ANO7: variants seen among roughly 807,000 people sequenced by gnomAD.
ANO7 encodes anoctamin 7, also known as anoctamin-7.
A neutral mutation model predicts 115.8 loss-of-function variants in ANO7; 114 were observed. That is an observed-to-expected ratio of 0.98 (90% confidence interval 0.85 to 1.15). The LOEUF (loss-of-function observed/expected upper bound fraction) is 1.15, where lower values mean the gene tolerates loss of function less well. Among genes scored for constraint, ANO7 ranks in the 50% most tolerant of loss-of-function variants. The probability of loss-of-function intolerance (pLI) is 0.00; values close to 1 mark genes in which losing one functional copy is unlikely to be tolerated. For synonymous variants in ANO7, 550 were observed against 498.2 expected, an observed-to-expected ratio of 1.10 and a Z score of -1.38; for missense variants, 1,302 against 1,201.2, an observed-to-expected ratio of 1.08 and a Z score of -1.24.
At chr2:241,216,332 T>C in intron 19 of ANO7, 94 bp downstream of exon 19, 5 of 1,409,430 alleles carry the variant, frequency 3.5e-6, no homozygotes, top group Non-Finnish European at 4.7e-6. Flanking sequence ...GACATTCCTG[T>C]GTCTGCATCT....
chr2:241,230,435 G>C (rs986087495), downstream of ANO7, among the ~76,000 whole-genome samples: 2 of 152,256 alleles, frequency 1.3e-5, no homozygotes, highest in Non-Finnish European at 2.9e-5. This position sits in a 1 kb window ranked among gnomAD's most constrained non-coding sequence, Gnocchi z 5.0. Context: ...CAAGTTAGGT[G>C]TATCTCAGGA....
chr2:241,199,191 C>A, intron 4 of ANO7, 125 bp from the exon 5 acceptor site: 2 of 852,530 alleles, frequency 2.3e-6, no homozygotes, highest in Middle Eastern at 2.2e-4. Context: ...ATAGGAGATT[C>A]AAAGTCAGCT....
chr2:241,215,352 G>A (rs1209440387), intron 18 of ANO7, among the ~76,000 whole-genome samples: 1 of 152,200 alleles, frequency 6.6e-6, no homozygotes, highest in Non-Finnish European at 1.5e-5. Context: ...GGGACACCCT[G>A]ACCACAAGGC....
Position 241,223,668 on chromosome 2 carries a change from G to T in ANO7, c.2419G>T (p.Val807Phe), listed in dbSNP as rs143637006. 133 of 1,612,618 alleles carry T rather than the reference G, an allele frequency of 8.2e-5. No individual in the cohort carries two copies. Among genetic ancestry groups the T allele is most frequent in the Non-Finnish European group, 1.1e-4 (125 of 1,179,330 alleles). ...TGCCTTCCTCTGCTCCCAGCATGTG[G>T]TTTTCTCCGTTGGCCGCCTCCTGGA... ...LAFVIVFEHVVFSVGRLLDLL... is the reference protein window; with the variant it reads ...LAFVIVFEHVFFSVGRLLDLL... Residue 807 changes from valine (V) to phenylalanine (F), a missense_variant, in exon 23 of 25, where the codon GTT (valine) becomes TTT (phenylalanine). By Grantham distance (50) the Val-to-Phe change is conservative. Transcript: ENST00000674324.
intron 22 of ANO7, 104 bp from the exon 23 acceptor site, chr2:241,223,558 C>T: frequency 6.6e-7 from 1 of 1,516,984 alleles, no homozygotes; most frequent in Non-Finnish European, 8.9e-7. Flanking sequence ...TGCTTTCTGA[C>T]TCCACCCACA....
chr2:241,204,925 G>A lies in ANO7; in HGVS notation c.950G>A (p.Gly317Asp), dbSNP rs773209898. 9.3e-6 allele frequency: 15 copies of A among 1,613,942 alleles called. No homozygotes were observed. In the Admixed American group the frequency reaches 2.5e-4, roughly 27 times the overall value. ...AVVGTLVFLV[G>D]CFLVFSDIPT... ...GTGGGCACACTGGTGTTCCTGGTGG[G>A]CTGCTTCCTGGTGTTCTCAGACATA... The change falls in exon 10 of 25, where the codon GGC becomes GAC. Residue 317 changes from glycine (G) to aspartate (D), a missense_variant. Gly to Asp is a moderately conservative substitution (Grantham distance 94). Coordinates refer to ENST00000674324, the MANE Select transcript of ANO7 (RefSeq NM_001370694.2).
At position 241,225,491 on chromosome 2, in the gene ANO7, C is replaced by G. The variant is rs2069137846; in HGVS notation, c.*1338C>G. The G allele has an allele frequency of 1.3e-5, 2 of 152,162 alleles. No individual in the cohort carries two copies. Among genetic ancestry groups the G allele is most frequent in the African/African-American group, 4.8e-5 (2 of 41,420 alleles). 9.4% of individuals were successfully genotyped at this position (152,162 alleles called of 1,614,324 possible). ...AGTGAGCTGAGATCTCAACACTGCA[C>G]TACAGCCTGGGCGACAGAGCAAGAC... On this transcript the variant is annotated 3_prime_UTR_variant, in exon 25 of 25. Coordinates refer to ENST00000674324, the MANE Select transcript of ANO7 (RefSeq NM_001370694.2).
the ANO7 span, among the ~76,000 whole-genome samples, chr2:241,233,420 C>G: frequency 1.5e-3 from 225 of 152,244 alleles, no homozygotes; most frequent in Non-Finnish European, 2.4e-3. This position sits in a 1 kb window ranked among gnomAD's most constrained non-coding sequence, Gnocchi z 4.3. Context: ...GTGTTTGCAG[C>G]TGGGGCTGCA....
intron 21 of ANO7, among the ~76,000 whole-genome samples, chr2:241,222,409 G>A (rs1453249003): frequency 6.6e-6 from 1 of 151,766 alleles, no homozygotes; most frequent in Non-Finnish European, 1.5e-5. Flanking sequence ...AACTCCCACT[G>A]GGCTGTGGCC....
chr2:241,208,625 T>C (rs2068641700), intron 11 of ANO7, among the ~76,000 whole-genome samples: 1 of 152,212 alleles, frequency 6.6e-6, no homozygotes, highest in African/African-American at 2.4e-5. Flanking sequence ...CTACAGGTCA[T>C]CCTCTGGTTC....
At chr2:241,235,259 C>T in the ANO7 span, 28 of 1,614,140 alleles carry the variant, frequency 1.7e-5, no homozygotes, top group African/African-American at 1.7e-4. Context: ...TGTTCACCTA[C>T]GTGAAGAGGG....
intron 9 of ANO7, 73 bp from the exon 10 acceptor site, chr2:241,204,792 G>A: frequency 8.6e-7 from 1 of 1,160,234 alleles, no homozygotes; most frequent in South Asian, 1.3e-5. Context: ...GGACAAGCAT[G>A]GCTGTGCAGA....
downstream of ANO7, chr2:241,229,556 G>T: frequency 1.4e-6 from 2 of 1,386,622 alleles, no homozygotes; most frequent in Non-Finnish European, 1.0e-6. Flanking sequence ...TTGTGTGGTT[G>T]GGTTTGGGTC....
chr2:241,216,360 GGGGGT>G, intron 19 of ANO7, 122 bp downstream of exon 19: 3 of 1,303,858 alleles, frequency 2.3e-6, no homozygotes, highest in Non-Finnish European at 2.0e-6. Flanking sequence ...AATGTGCTGT[GGGGGT>G]GGGGTGGGAA....
At chr2:241,208,088 C>T (rs1055620665) in intron 11 of ANO7, among the ~76,000 whole-genome samples, 2 of 152,198 alleles carry the variant, frequency 1.3e-5, no homozygotes, top group Non-Finnish European at 1.5e-5. Context: ...TCCCCCCTCC[C>T]GCCTGGCATG....
intron 24 of ANO7, 44 bp downstream of exon 24, chr2:241,223,999 A>C (rs1027883075): frequency 7.4e-6 from 12 of 1,613,576 alleles, no homozygotes; most frequent in African/African-American, 1.3e-5. Context: ...GCACTCCCTG[A>C]GGTCACAGGG....
At position 241,203,672 on chromosome 2, in the gene ANO7, C is replaced by G. The variant is rs2068525233; in HGVS notation, c.889+174C>G. Among the ~76,000 whole-genome samples, 1 of 152,106 alleles carries G rather than the reference C, an allele frequency of 6.6e-6. No individual in the cohort carries two copies. Among genetic ancestry groups the G allele is most frequent in the African/African-American group, 2.4e-5 (1 of 41,406 alleles). The stretch of plus-strand genomic sequence containing the variant: ...CTGGCTCCCCTCAAGCCCACTCACT[C>G]TAACTGGGCGCCATGACGATGCCGG... On this transcript the variant is annotated intron_variant, in intron 9 of 24. Coordinates refer to ENST00000674324, the MANE Select transcript of ANO7 (RefSeq NM_001370694.2). The surrounding 1 kb of genome is among the most constrained non-coding windows in gnomAD (Gnocchi z 4.8).
intron 7 of ANO7, 94 bp from the exon 8 acceptor site, chr2:241,202,100 T>C: frequency 3.8e-6 from 4 of 1,044,268 alleles, no homozygotes; most frequent in Non-Finnish European, 5.8e-6. Flanking sequence ...AGGGAGGCCG[T>C]CCATGGCCTT....
At chr2:241,238,629 A>G in the ANO7 span, 1 of 1,529,320 alleles carries the variant, frequency 6.5e-7, no homozygotes. This position sits in a 1 kb window ranked among gnomAD's most constrained non-coding sequence, Gnocchi z 4.9. Flanking sequence ...CAAGCAGAGC[A>G]GGGCTAATGG....
Sources: gnomAD v4.1 joint callset for allele counts (sites outside exome capture counted in the v4.1 genomes callset) on GRCh38, gnomAD v4.1.1 for gene constraint, Gnocchi (gnomAD v3.1) non-coding constraint, MANE v1.5 for transcripts, NCBI Gene and HGNC (gene_info 2026-07-23, HGNC 2026-07-21) for gene names.